PDE1C: variants seen among roughly 807,000 people sequenced by gnomAD.
PDE1C encodes the protein phosphodiesterase 1C, also known as dual specificity calcium/calmodulin-dependent 3',5'-cyclic nucleotide phosphodiesterase 1C.
Under a neutral mutation model 93.1 loss-of-function variants are expected in PDE1C, and 62 were observed. The observed-to-expected ratio is 0.67, with a 90% CI of 0.54 to 0.82. PDE1C has a LOEUF of 0.82. Ranked by LOEUF, PDE1C falls within the 40% of genes least tolerant of loss-of-function variation. PDE1C has a pLI of 0.00. For missense variants in PDE1C, 742 were observed against 884.6 expected (o/e 0.84, Z 2.04); for synonymous variants, 325 against 310.1 (o/e 1.05, Z -0.50).
chr7:31,834,520 G>A (rs1790818867), intron 11 of PDE1C, among the ~76,000 whole-genome samples: 1 of 152,192 alleles, frequency 6.6e-6, no homozygotes. Flanking sequence ...ACCTGGATGT[G>A]AGACATAGAG....
chr7:32,098,989 A>G (rs1797912432), intron 3 of PDE1C, among the ~76,000 whole-genome samples: 1 of 152,240 alleles, frequency 6.6e-6, no homozygotes. Context: ...ACTGAATTGT[A>G]TACTCAAAAG....
At chr7:32,152,683 C>T (rs1174349693) in intron 3 of PDE1C, among the ~76,000 whole-genome samples, 3 of 152,162 alleles carry the variant, frequency 2.0e-5, no homozygotes, top group Admixed American at 6.5e-5. Context: ...GGACTTATAT[C>T]ATAGCATTCC....
intron 1 of PDE1C, among the ~76,000 whole-genome samples, chr7:32,407,071 C>T (rs928987768): frequency 6.6e-6 from 1 of 152,054 alleles, no homozygotes; most frequent in Non-Finnish European, 1.5e-5. Flanking sequence ...GTCAGGAGCT[C>T]GAGACCAGCC....
chr7:31,909,693 T>C (rs890442368), intron 2 of PDE1C, among the ~76,000 whole-genome samples: 11 of 152,334 alleles, frequency 7.2e-5, no homozygotes, highest in Admixed American at 3.9e-4. Flanking sequence ...TACTTTATGA[T>C]TGACAGCATT....
chr7:32,104,430 G>T (rs1303111660), intron 3 of PDE1C, among the ~76,000 whole-genome samples: 1 of 152,170 alleles, frequency 6.6e-6, no homozygotes, highest in Non-Finnish European at 1.5e-5. Context: ...TCAAACAAAT[G>T]TAAGAGTAGA....
At chr7:32,040,332 T>A (rs970396891) in intron 2 of PDE1C, among the ~76,000 whole-genome samples, 1 of 152,218 alleles carries the variant, frequency 6.6e-6, no homozygotes, top group African/African-American at 2.4e-5. Context: ...ACATTGGCAC[T>A]CTAACATTTT....
At chr7:31,687,838 A>C in the PDE1C span, among the ~76,000 whole-genome samples, 40 of 152,344 alleles carry the variant, frequency 2.6e-4, no homozygotes, top group Non-Finnish European at 4.3e-4. Flanking sequence ...CTGTGGATAC[A>C]ACCTTCTACC....
chr7:31,872,273 C>T (rs957987508), intron 6 of PDE1C, among the ~76,000 whole-genome samples: 2 of 151,760 alleles, frequency 1.3e-5, no homozygotes, highest in Admixed American at 6.6e-5. Flanking sequence ...TTAATGGGTA[C>T]GAACATACAG....
intron 16 of PDE1C, among the ~76,000 whole-genome samples, chr7:31,780,777 G>A (rs1377439469): frequency 2.7e-5 from 4 of 148,542 alleles, no homozygotes; most frequent in South Asian, 2.2e-4. Context: ...GTGCATGTGC[G>A]CATGCGTGTG....
At chr7:32,156,327 C>T (rs1332697354) in intron 3 of PDE1C, among the ~76,000 whole-genome samples, 1 of 152,118 alleles carries the variant, frequency 6.6e-6, no homozygotes, top group Non-Finnish European at 1.5e-5. Flanking sequence ...GCTCCCCTCC[C>T]TGTGTTCATG....
chr7:31,779,866 A>C (rs1319514816), intron 16 of PDE1C, among the ~76,000 whole-genome samples: 1 of 152,096 alleles, frequency 6.6e-6, no homozygotes, highest in Non-Finnish European at 1.5e-5. Flanking sequence ...TCATTTTCTA[A>C]AGCCCTTCGC....
intron 2 of PDE1C, among the ~76,000 whole-genome samples, chr7:31,942,343 A>T (rs1474138154): frequency 6.6e-6 from 1 of 152,136 alleles, no homozygotes; most frequent in Admixed American, 6.6e-5. Context: ...TATGCCCCTA[A>T]ACTGCCTTTT....
At chr7:32,227,421 A>G (rs559420696) in intron 1 of PDE1C, among the ~76,000 whole-genome samples, 1 of 152,282 alleles carries the variant, frequency 6.6e-6, no homozygotes, top group Admixed American at 6.5e-5. Context: ...GTAAATGAAT[A>G]GCGATTTAAA....
intron 1 of PDE1C, among the ~76,000 whole-genome samples, chr7:32,230,849 G>C (rs376652857): frequency 7.9e-5 from 12 of 152,222 alleles, no homozygotes; most frequent in African/African-American, 2.9e-4. Context: ...CAAAGCTTTA[G>C]AGTAAGTCAT....
chr7:31,894,332 A>G (rs1205499593), intron 2 of PDE1C, among the ~76,000 whole-genome samples: 2 of 152,244 alleles, frequency 1.3e-5, no homozygotes, highest in African/African-American at 4.8e-5. Context: ...ACAGCCTGAC[A>G]GAGCCAAAGG....
At chr7:31,712,190 C>G in the PDE1C span, among the ~76,000 whole-genome samples, 2 of 152,174 alleles carry the variant, frequency 1.3e-5, no homozygotes, top group Non-Finnish European at 2.9e-5. Context: ...TCCATAAACA[C>G]AGGGATATCA....
At chr7:32,079,138 A>G (rs2128734721) in intron 3 of PDE1C, among the ~76,000 whole-genome samples, 1 of 152,356 alleles carries the variant, frequency 6.6e-6, no homozygotes, top group East Asian at 1.9e-4. Flanking sequence ...AAATGATCTC[A>G]CAAAACAAAT....
At chr7:32,315,121 A>C (rs1783141042) in intron 1 of PDE1C, among the ~76,000 whole-genome samples, 1 of 150,934 alleles carries the variant, frequency 6.6e-6, no homozygotes, top group Non-Finnish European at 1.5e-5. Context: ...AGCAAACACA[A>C]AGTAGGATGC....
chr7:31,707,119 G>A, the PDE1C span: 2 of 1,248,882 alleles, frequency 1.6e-6, no homozygotes, highest in East Asian at 2.5e-5. Flanking sequence ...GGGTTGCCAT[G>A]CTCCTTTGTA....
Sources: gnomAD v4.1 joint callset for allele counts (sites outside exome capture counted in the v4.1 genomes callset) on GRCh38, gnomAD v4.1.1 for gene constraint, MANE v1.5 for transcripts, NCBI Gene and HGNC (gene_info 2026-07-23, HGNC 2026-07-21) for gene names.